Variants in MAML3 observed in about 807,000 individuals in gnomAD.
MAML3 encodes the protein mastermind-like protein 3.
A neutral mutation model predicts 101.9 loss-of-function variants in MAML3; 27 were observed. The ratio of observed to expected loss-of-function variants is 0.27; its 90% CI spans 0.20 to 0.37. The LOEUF is 0.37. Ranked by LOEUF, MAML3 falls within the 10% of genes least tolerant of loss-of-function variation. The probability of loss-of-function intolerance (pLI) is 1.00; values close to 1 mark genes in which losing one functional copy is unlikely to be tolerated. For synonymous variants in MAML3, 501 were observed against 555.9 expected, an observed-to-expected ratio of 0.90 and a Z score of 1.39; for missense variants, 1,316 against 1,444.9, an observed-to-expected ratio of 0.91 and a Z score of 1.45.
chr4:139,967,330 G>C (rs1402164907), intron 1 of MAML3, among the ~76,000 whole-genome samples: 2 of 152,144 alleles, frequency 1.3e-5, no homozygotes, highest in Non-Finnish European at 2.9e-5. Flanking sequence ...TGGGTAGCAT[G>C]TGGGAAACAG....
intron 2 of MAML3, among the ~76,000 whole-genome samples, chr4:139,768,818 T>C (rs1178863154): frequency 1.3e-5 from 2 of 152,352 alleles, no homozygotes; most frequent in African/African-American, 4.8e-5. Context: ...CCAACAGGAA[T>C]GCTGGGCATT....
intron 1 of MAML3, among the ~76,000 whole-genome samples, chr4:139,894,234 G>C (rs144105109): frequency 1.7e-3 from 264 of 152,266 alleles, no homozygotes; most frequent in African/African-American, 6.1e-3. Flanking sequence ...AGTATGGCCA[G>C]GCACAGTAGC....
intron 1 of MAML3, among the ~76,000 whole-genome samples, chr4:140,046,015 G>A (rs1362068097): frequency 3.9e-5 from 6 of 152,194 alleles, no homozygotes; most frequent in African/African-American, 1.4e-4. Flanking sequence ...AAGTCAATAT[G>A]AAATATAAAT....
At chr4:139,917,659 A>G (rs1203011159) in intron 1 of MAML3, among the ~76,000 whole-genome samples, 1 of 152,178 alleles carries the variant, frequency 6.6e-6, no homozygotes, top group Non-Finnish European at 1.5e-5. Flanking sequence ...GCCTCTATAT[A>G]AGGAGAAACT....
chr4:139,809,899 C>T (rs950964709), intron 2 of MAML3, among the ~76,000 whole-genome samples: 1 of 151,442 alleles, frequency 6.6e-6, no homozygotes, highest in South Asian at 2.1e-4. Context: ...CACACACACA[C>T]GGATGCTCCA....
At chr4:139,992,049 C>A (rs963365308) in intron 1 of MAML3, among the ~76,000 whole-genome samples, 1 of 152,204 alleles carries the variant, frequency 6.6e-6, no homozygotes, top group African/African-American at 2.4e-5. Flanking sequence ...CCCAGATCAA[C>A]TTTGTGTCTC....
chr4:139,771,959 T>G (rs111273262), intron 2 of MAML3, among the ~76,000 whole-genome samples: 27,165 of 144,668 alleles, frequency 0.19, 2,970 homozygotes, highest in East Asian at 0.45. Context: ...AAAAAAAAAG[T>G]CCGGGCGCGG....
intron 2 of MAML3, among the ~76,000 whole-genome samples, chr4:139,738,491 C>T (rs374551369): frequency 1.3e-5 from 2 of 152,114 alleles, no homozygotes; most frequent in Non-Finnish European, 1.5e-5. Flanking sequence ...TGCAGTGAGC[C>T]GAGATTGCAC....
chr4:140,001,755 A>G (rs1734928860), intron 1 of MAML3, among the ~76,000 whole-genome samples: 1 of 152,216 alleles, frequency 6.6e-6, no homozygotes, highest in Non-Finnish European at 1.5e-5. Flanking sequence ...TGTACTTCAC[A>G]AAAGTTTACC....
intron 1 of MAML3, among the ~76,000 whole-genome samples, chr4:139,966,779 G>T (rs1734139381): frequency 6.6e-6 from 1 of 152,070 alleles, no homozygotes; most frequent in Non-Finnish European, 1.5e-5. Context: ...TGGTTAACAG[G>T]CTTTAAGAAT....
At position 140,024,115 on chromosome 4, in the gene MAML3, C is replaced by T. The variant is rs557547012; in HGVS notation, c.468+128745G>A. Reference sequence around the variant, plus strand: ...TCTTAACAACCTTATAAAATAGATACTATTATTATCCAATTTTCAAGATGT... The same window carrying T: ...TCTTAACAACCTTATAAAATAGATATTATTATTATCCAATTTTCAAGATGT... On this transcript the variant is annotated intron_variant, in intron 1 of 4. Coordinates refer to ENST00000509479, the MANE Select transcript of MAML3 (RefSeq NM_018717.5). Among the ~76,000 whole-genome samples, 368 of 151,914 alleles carry T rather than the reference C, an allele frequency of 2.4e-3. 14 individuals carry two copies. The South Asian group carries it at 0.068, about 28-fold the overall frequency.
At chr4:139,913,250 T>G (rs983950758) in intron 1 of MAML3, among the ~76,000 whole-genome samples, 2 of 152,192 alleles carry the variant, frequency 1.3e-5, no homozygotes, top group Admixed American at 1.3e-4. Flanking sequence ...GGAGTAGATG[T>G]GTACAAGTAA....
chr4:139,975,022 T>C (rs1163639177), intron 1 of MAML3, among the ~76,000 whole-genome samples: 1 of 152,074 alleles, frequency 6.6e-6, no homozygotes, highest in Non-Finnish European at 1.5e-5. Context: ...TGGATTTAAG[T>C]AGGGGAAGTG....
At chr4:139,939,985 C>T (rs1477250112) in intron 1 of MAML3, among the ~76,000 whole-genome samples, 3 of 151,994 alleles carry the variant, frequency 2.0e-5, no homozygotes, top group Admixed American at 6.6e-5. Context: ...AGGCTGGTCT[C>T]GAACTCCTGA....
intron 1 of MAML3, among the ~76,000 whole-genome samples, chr4:140,093,574 G>T (rs554928160): frequency 2.6e-4 from 39 of 151,768 alleles, no homozygotes; most frequent in Non-Finnish European, 4.9e-4. Flanking sequence ...CCGCCACCAC[G>T]CCCTGCTAAT....
In MAML3 at chr4:140,153,680, A is replaced by C; in HGVS notation, c.-353T>G. ...CTTGCTTGCCTTCTTTTTATAATCC[A>C]TTATTTTCTAATAAATTCCAGGAGA... On this transcript the variant is annotated 5_prime_UTR_variant, in exon 1 of 5. An upstream start codon of the reference 5' UTR is lost. Coordinates refer to ENST00000509479, the MANE Select transcript of MAML3 (RefSeq NM_018717.5). 1 of 239,070 alleles carries C rather than the reference A, an allele frequency of 4.2e-6. No individual in the cohort carries two copies. The highest frequency in any genetic ancestry group is 8.0e-6 in the Non-Finnish European group (1 of 125,356). 14.8% of individuals were successfully genotyped at this position (239,070 alleles called of 1,614,324 possible).
intron 1 of MAML3, among the ~76,000 whole-genome samples, chr4:140,111,696 G>A (rs1245995506): frequency 1.3e-5 from 2 of 152,190 alleles, no homozygotes; most frequent in African/African-American, 4.8e-5. Context: ...CACCCCTACT[G>A]TGGGAGAATA....
At chr4:139,994,929 T>C (rs1734775404) in intron 1 of MAML3, among the ~76,000 whole-genome samples, 1 of 152,286 alleles carries the variant, frequency 6.6e-6, no homozygotes, top group South Asian at 2.1e-4. Context: ...TAATGTTAAA[T>C]GTAAGTGGCA....
intron 2 of MAML3, among the ~76,000 whole-genome samples, chr4:139,752,542 G>A (rs1356887837): frequency 6.6e-6 from 1 of 152,232 alleles, no homozygotes; most frequent in South Asian, 2.1e-4. Flanking sequence ...GGCTGGGAAA[G>A]TGGCTGGCAG....
Sources: gnomAD v4.1 joint callset for allele counts (sites outside exome capture counted in the v4.1 genomes callset) on GRCh38, gnomAD v4.1.1 for gene constraint, MANE v1.5 for transcripts, NCBI Gene and HGNC (gene_info 2026-07-23, HGNC 2026-07-21) for gene names.